The following ZMAT4 variants were observed in gnomAD, a reference collection of about 807,000 sequenced individuals.
ZMAT4 encodes zinc finger matrin-type 4.
Under a neutral mutation model 28.7 loss-of-function variants are expected in ZMAT4, and 17 were observed. The ratio of observed to expected loss-of-function variants is 0.59; its 90% confidence interval spans 0.41 to 0.89. The LOEUF is 0.89. Among genes scored for constraint, ZMAT4 ranks in the 40% least tolerant of loss-of-function variants. The pLI, the probability that ZMAT4 is intolerant of heterozygous loss-of-function variation, is 0.00. For synonymous variants in ZMAT4, 117 were observed against 109.2 expected (o/e 1.07, Z -0.44); for missense variants, 240 against 283.8 (o/e 0.85, Z 1.11).
intron 3 of ZMAT4, among the ~76,000 whole-genome samples, chr8:40,707,245 C>T (rs1369577897): frequency 3.6e-5 from 5 of 140,280 alleles, no homozygotes; most frequent in Non-Finnish European, 7.7e-5. Flanking sequence ...CATCTGACAG[C>T]ACTAAGCATA....
intron 2 of ZMAT4, among the ~76,000 whole-genome samples, chr8:40,820,885 A>T (rs370364316): frequency 1.8e-5 from 1 of 55,162 alleles, no homozygotes; most frequent in African/African-American, 7.2e-5. Context: ...GTGCATGTGT[A>T]TGTGTTTATG....
rs988141464 is a variant in ZMAT4, at chr8:40,767,639, A to G, written c.192+2T>C. 1.9e-6 allele frequency: 3 copies of G among 1,611,536 alleles called. No homozygotes were observed. Among genetic ancestry groups the G allele is most frequent in the Non-Finnish European group, 2.5e-6 (3 of 1,178,944 alleles). On this transcript the variant is annotated splice_donor_variant, in intron 3 of 6. Coordinates refer to ENST00000297737, the MANE Select transcript of ZMAT4 (RefSeq NM_024645.3). LOFTEE classifies it high-confidence loss of function. ...GGATATCACGTGGTACCAGATACTC[A>G]CATTTTCTGACCGGAGCCTCTTGGC...
At chr8:40,801,178 T>C (rs1044491473) in intron 2 of ZMAT4, among the ~76,000 whole-genome samples, 1 of 151,038 alleles carries the variant, frequency 6.6e-6, no homozygotes, top group African/African-American at 2.4e-5. Context: ...CAAGAAGAAA[T>C]AGATAATGTT....
intron 1 of ZMAT4, among the ~76,000 whole-genome samples, chr8:40,887,788 A>G (rs186817632): frequency 1.0e-3 from 158 of 152,138 alleles, no homozygotes; most frequent in African/African-American, 3.5e-3. Context: ...CGGTCCTCTC[A>G]CAGCCATGTT....
intron 3 of ZMAT4, among the ~76,000 whole-genome samples, chr8:40,711,994 G>C (rs1810643994): frequency 6.6e-6 from 1 of 152,166 alleles, no homozygotes; most frequent in Admixed American, 6.5e-5. Context: ...ATGAATTCCA[G>C]TTTAAAATGT....
intron 5 of ZMAT4, among the ~76,000 whole-genome samples, chr8:40,594,543 T>C (rs1231359903): frequency 6.6e-6 from 1 of 152,212 alleles, no homozygotes; most frequent in African/African-American, 2.4e-5. Context: ...ATGGAGATAA[T>C]AATTGTACCT....
intron 5 of ZMAT4, among the ~76,000 whole-genome samples, chr8:40,670,496 A>G (rs1280036512): frequency 6.6e-6 from 1 of 152,170 alleles, no homozygotes; most frequent in Admixed American, 6.5e-5. Flanking sequence ...TAAGACACAA[A>G]AAGCAATGAT....
At chr8:40,757,850 TCAGTC>T (rs1460759544) in intron 3 of ZMAT4, among the ~76,000 whole-genome samples, 3 of 152,066 alleles carry the variant, frequency 2.0e-5, no homozygotes, top group African/African-American at 7.2e-5. Flanking sequence ...AGACCCACCC[TCAGTC>T]TGGGTGGGCA....
intron 4 of ZMAT4, among the ~76,000 whole-genome samples, chr8:40,680,286 C>T (rs569942450): frequency 2.6e-5 from 4 of 152,152 alleles, no homozygotes; most frequent in African/African-American, 7.2e-5. Context: ...CAGTATGGCC[C>T]CAACCATCCT....
chr8:40,608,225 G>T (rs1805669228), intron 5 of ZMAT4, among the ~76,000 whole-genome samples: 1 of 152,158 alleles, frequency 6.6e-6, no homozygotes, highest in Non-Finnish European at 1.5e-5. Flanking sequence ...TCTGAGCTCA[G>T]ACTCTTCTTG....
intron 3 of ZMAT4, among the ~76,000 whole-genome samples, chr8:40,723,418 C>CT (rs1467631679): frequency 6.6e-6 from 1 of 151,792 alleles, no homozygotes; most frequent in African/African-American, 2.4e-5. Context: ...TGGCAGGCAC[C>CT]TGTAATCCCA....
chr8:40,737,103 C>T (rs1321317154), intron 3 of ZMAT4, among the ~76,000 whole-genome samples: 1 of 152,200 alleles, frequency 6.6e-6, no homozygotes, highest in East Asian at 1.9e-4. Context: ...AATAAAACAA[C>T]ACAGAGAGCA....
At position 40,787,787 on chromosome 8, in the gene ZMAT4, G is replaced by A. The variant is rs117141954; in HGVS notation, c.103-20057C>T. 3.1e-3 allele frequency among the ~76,000 whole-genome samples: 477 copies of A among 152,274 alleles called. 1 individual carries two copies. The highest frequency in any genetic ancestry group is 5.3e-3 in the Non-Finnish European group (363 of 68,010). The stretch of plus-strand genomic sequence containing the variant: ...CAAAGGGAGGATTCACAGCCAGGGC[G>A]GGATGAACCTGGATGGTGTGAGGTT... On this transcript the variant is annotated intron_variant, in intron 2 of 6. Coordinates refer to ENST00000297737, the MANE Select transcript of ZMAT4 (RefSeq NM_024645.3).
intron 5 of ZMAT4, among the ~76,000 whole-genome samples, chr8:40,634,650 C>T (rs1041928067): frequency 4.6e-5 from 7 of 152,152 alleles, no homozygotes; most frequent in Admixed American, 6.5e-5. Flanking sequence ...AGGGAATGCG[C>T]GCTGTTTGCT....
Position 40,558,275 on chromosome 8 carries a change from C to T in ZMAT4, c.674+22890G>A, listed in dbSNP as rs551406658. Among the ~76,000 whole-genome samples the T allele has an allele frequency of 2.3e-4, 35 of 152,174 alleles. No individual in the cohort carries two copies. In the East Asian group the frequency reaches 2.5e-3, roughly 11 times the overall value. ...TGGGAAGCTGTCAGTGGATTGCCAG[C>T]GGAGGGGACTATGATCTGGATGATA... is the stretch of plus-strand genomic sequence containing the variant. On this transcript the variant is annotated intron_variant, in intron 6 of 6. Transcript: ENST00000297737.
At chr8:40,800,668 A>AT (rs1236616535) in intron 2 of ZMAT4, among the ~76,000 whole-genome samples, 4 of 72,818 alleles carry the variant, frequency 5.5e-5, no homozygotes, top group Non-Finnish European at 1.3e-4. Flanking sequence ...GGGTCAAAAA[A>AT]AACTCAAGAA....
rs376227478 is a variant in ZMAT4 at position 40,589,961 on chromosome 8, T to TTCCCTCCCTCCC, written c.578-8712_578-8701dup. Among the ~76,000 whole-genome samples, 30 of 26,514 alleles carry TTCCCTCCCTCCC rather than the reference T, an allele frequency of 1.1e-3. No individual in the cohort carries two copies. The East Asian group carries it at 0.015, about 13-fold the overall frequency. 17.4% of individuals were successfully genotyped at this position (26,514 alleles called of 152,430 possible). Reference sequence around the variant, plus strand: ...CCTTCCTTCCTTCCTTCTTCCCTCCTTCCCTCCCTCCCTTCCTTCCTTCCT... The same window carrying TTCCCTCCCTCCC: ...CCTTCCTTCCTTCCTTCTTCCCTCCTTCCCTCCCTCCCTCCCTCCCTCCCTTCCTTCCTTCCT... On this transcript the variant is annotated intron_variant, in intron 5 of 6. Coordinates refer to ENST00000297737, the MANE Select transcript of ZMAT4 (RefSeq NM_024645.3).
At chr8:40,871,826 C>T (rs1170915726) in intron 1 of ZMAT4, among the ~76,000 whole-genome samples, 1 of 152,196 alleles carries the variant, frequency 6.6e-6, no homozygotes, top group Non-Finnish European at 1.5e-5. Flanking sequence ...CTTTTCTCCT[C>T]TATAAAAATG....
chr8:40,571,427 A>T (rs1243336026), intron 6 of ZMAT4, among the ~76,000 whole-genome samples: 1 of 152,160 alleles, frequency 6.6e-6, no homozygotes, highest in Non-Finnish European at 1.5e-5. Context: ...CCATGTGAGA[A>T]GTTAGAGCCT....
Sources: gnomAD v4.1 joint callset for allele counts (sites outside exome capture counted in the v4.1 genomes callset) on GRCh38, gnomAD v4.1.1 for gene constraint, MANE v1.5 for transcripts, NCBI Gene and HGNC (gene_info 2026-07-23, HGNC 2026-07-21) for gene names.